Variants in CDK8 observed in about 807,000 individuals in gnomAD.
CDK8 encodes cyclin-dependent kinase 8.
In CDK8, 29 loss-of-function variants were observed where a neutral mutation model predicts 71.5. The ratio of observed to expected loss-of-function variants is 0.41; its 90% confidence interval spans 0.30 to 0.55. The LOEUF (loss-of-function observed/expected upper bound fraction) is 0.55. CDK8 is among the 20% of genes least tolerant of loss of function. The probability of loss-of-function intolerance (pLI) is 0.37; values close to 1 mark genes in which losing one functional copy is unlikely to be tolerated. For missense variants in CDK8, 288 were observed against 572.6 expected (o/e 0.50, Z 5.07); for synonymous variants, 161 against 192.1 (o/e 0.84, Z 1.34).
chr13:26,279,177 C>A (rs1225473857), intron 1 of CDK8, among the ~76,000 whole-genome samples: 1 of 151,818 alleles, frequency 6.6e-6, no homozygotes, highest in Non-Finnish European at 1.5e-5. Flanking sequence ...CAGAAGGATG[C>A]CAGTTGATAA....
intron 2 of CDK8, among the ~76,000 whole-genome samples, chr13:26,344,958 T>C (rs114289098): frequency 4.7e-4 from 71 of 152,282 alleles, no homozygotes; most frequent in African/African-American, 1.5e-3. Flanking sequence ...TTTATTATCA[T>C]CAAATATTGT....
In CDK8 at chr13:26,349,025, A is replaced by G. The variant is rs367916142; in HGVS notation, c.205-47A>G. Reference sequence around the variant, plus strand: ...TTACAAATGGTGTGGGGTTTTTTACATTATTTTTGTGACAGAAATAGTTAA... The same window carrying G: ...TTACAAATGGTGTGGGGTTTTTTACGTTATTTTTGTGACAGAAATAGTTAA... On this transcript the variant is annotated intron_variant, in intron 2 of 12. Coordinates refer to ENST00000381527, the MANE Select transcript of CDK8 (RefSeq NM_001260.3). The G allele has an allele frequency of 4.4e-6, 5 of 1,131,730 alleles. No homozygotes were observed. The Admixed American group carries it at 5.1e-5, about 12-fold the overall frequency. The allele number at this position is 1,131,730 out of a possible 1,614,324, so 70.1% of individuals were successfully genotyped here.
At chr13:26,301,394 T>A (rs2137916547) in intron 1 of CDK8, among the ~76,000 whole-genome samples, 1 of 152,294 alleles carries the variant, frequency 6.6e-6, no homozygotes, top group African/African-American at 2.4e-5. Context: ...TTTAATGTGG[T>A]AATTAATTTC....
At chr13:26,255,164 TC>T (rs1245686087) in intron 1 of CDK8, among the ~76,000 whole-genome samples, 1 of 152,064 alleles carries the variant, frequency 6.6e-6, no homozygotes, top group Admixed American at 6.5e-5. Context: ...TGGAGTGTCA[TC>T]CATCGGTCTA....
Position 26,254,629 on chromosome 13 carries a change from A to T in CDK8, c.-13A>T. The T allele has an allele frequency of 6.4e-7, 1 of 1,551,166 alleles. No individual in the cohort carries two copies. The highest frequency in any genetic ancestry group is 8.8e-7 in the Non-Finnish European group (1 of 1,140,904). Reference sequence around the variant, plus strand: ...CCCCCCGACCCAGCTCTCCGGCCTCAGAGGCTGTGACAATGGACTATGACT... The same window carrying T: ...CCCCCCGACCCAGCTCTCCGGCCTCTGAGGCTGTGACAATGGACTATGACT... On this transcript the variant is annotated 5_prime_UTR_variant, in exon 1 of 13. Coordinates refer to ENST00000381527, the MANE Select transcript of CDK8 (RefSeq NM_001260.3). This position sits in a 1 kb window ranked among gnomAD's most constrained non-coding sequence, Gnocchi z 6.7.
At position 26,376,655 on chromosome 13, in the gene CDK8, C is replaced by A. The variant is rs577002422; in HGVS notation, c.457-6159C>A. On this transcript the variant is annotated intron_variant, in intron 4 of 12. Coordinates refer to ENST00000381527, the MANE Select transcript of CDK8 (RefSeq NM_001260.3). ...GGCTCTGCTACAGGAAGTAAATGAT[C>A]TTTGTGTCAGTGAAAATAGAAGGTT... 1.3e-3 allele frequency among the ~76,000 whole-genome samples: 199 copies of A among 152,200 alleles called. 1 individual carries two copies. The highest frequency in any genetic ancestry group is 4.6e-3 in the African/African-American group (192 of 41,538).
intron 1 of CDK8, among the ~76,000 whole-genome samples, chr13:26,288,676 T>C (rs181840081): frequency 5.2e-4 from 79 of 152,046 alleles, no homozygotes; most frequent in Non-Finnish European, 9.9e-4. Flanking sequence ...AGAATTAACA[T>C]CTTTCCAATA....
intron 7 of CDK8, among the ~76,000 whole-genome samples, chr13:26,394,113 C>G (rs1433712650): frequency 6.6e-6 from 1 of 152,134 alleles, no homozygotes; most frequent in Non-Finnish European, 1.5e-5. Flanking sequence ...CCAACTGTAT[C>G]TCAATCCCTA....
At chr13:26,392,912 A>G (rs1875818336) in intron 6 of CDK8, among the ~76,000 whole-genome samples, 1 of 152,190 alleles carries the variant, frequency 6.6e-6, no homozygotes. Flanking sequence ...AAAAATTTAC[A>G]CTGATTATGT....
chr13:26,315,762 T>C (rs1262976013), intron 1 of CDK8, among the ~76,000 whole-genome samples: 1 of 152,170 alleles, frequency 6.6e-6, no homozygotes, highest in Non-Finnish European at 1.5e-5. Flanking sequence ...GGAGTAACAA[T>C]ACATTGTTGT....
rs1876378733 is a variant in CDK8 at position 26,403,814 on chromosome 13, G to T, written c.1270-142G>T. 7 of 987,430 alleles carry T rather than the reference G, an allele frequency of 7.1e-6. No homozygotes were observed. The East Asian group carries it at 1.5e-4, about 21-fold the overall frequency. The allele number at this position is 987,430 out of a possible 1,614,324, so 61.2% of individuals were successfully genotyped here. ...GGATGTTAAAATATTTGGGGTTTTT[G>T]TCTTTAATTATAAAGTTAGTACATA... is the stretch of plus-strand genomic sequence containing the variant. On this transcript the variant is annotated intron_variant, in intron 12 of 12. Coordinates refer to ENST00000381527, the MANE Select transcript of CDK8 (RefSeq NM_001260.3).
At chr13:26,281,260 C>A (rs183036212) in intron 1 of CDK8, among the ~76,000 whole-genome samples, 2 of 152,354 alleles carry the variant, frequency 1.3e-5, no homozygotes, top group East Asian at 3.9e-4. Context: ...TCCACCAGAA[C>A]AGGTGCTGGT....
At chr13:26,375,044 G>A (rs1874881608) in intron 4 of CDK8, among the ~76,000 whole-genome samples, 2 of 151,906 alleles carry the variant, frequency 1.3e-5, no homozygotes, top group South Asian at 4.1e-4. Context: ...TATCAGAAAA[G>A]TAATTTTGTA....
chr13:26,396,237 A>C (rs759318018), intron 7 of CDK8, 48 bp from the exon 8 acceptor site: 2 of 807,068 alleles, frequency 2.5e-6, no homozygotes, highest in South Asian at 4.2e-5. Context: ...AAAAATTCTC[A>C]AGAATAGGAA....
At chr13:26,379,125 T>C (rs1437800201) in intron 4 of CDK8, among the ~76,000 whole-genome samples, 1 of 152,212 alleles carries the variant, frequency 6.6e-6, no homozygotes, top group African/African-American at 2.4e-5. Context: ...GGGGCATATG[T>C]AGTGTTAATG....
chr13:26,370,285 G>A (rs1160031974), intron 4 of CDK8, among the ~76,000 whole-genome samples: 1 of 152,174 alleles, frequency 6.6e-6, no homozygotes, highest in Admixed American at 6.5e-5. Context: ...TAAGATCCGG[G>A]TGAACTTAAG....
chr13:26,373,908 G>A (rs9507704), intron 4 of CDK8, among the ~76,000 whole-genome samples: 7,397 of 150,972 alleles, frequency 0.049, 247 homozygotes, highest in South Asian at 0.07. Context: ...TGGAACAGGC[G>A]CAGTGGCTCA....
At chr13:26,269,785 T>C (rs1260394636) in intron 1 of CDK8, among the ~76,000 whole-genome samples, 1 of 152,144 alleles carries the variant, frequency 6.6e-6, no homozygotes, top group East Asian at 1.9e-4. Context: ...GCAATTAGGT[T>C]TTTTTCTTAG....
intron 4 of CDK8, among the ~76,000 whole-genome samples, chr13:26,381,906 A>G (rs903655182): frequency 2.6e-5 from 4 of 152,200 alleles, no homozygotes; most frequent in Non-Finnish European, 4.4e-5. Flanking sequence ...CTTCACTACA[A>G]TCTTTGATTT....
Sources: allele counts gnomAD v4.1 joint callset (sites outside exome capture counted in the v4.1 genomes callset), GRCh38; gene constraint gnomAD v4.1.1; non-coding constraint Gnocchi (gnomAD v3.1); transcripts MANE v1.5; gene names NCBI Gene and HGNC (gene_info 2026-07-23, HGNC 2026-07-21).